The following PLXNA4 variants were observed in gnomAD, a reference collection of about 807,000 sequenced individuals.
PLXNA4 encodes the protein plexin A4.
In PLXNA4, 44 loss-of-function variants were observed where a neutral mutation model predicts 191.8. That is an observed-to-expected ratio of 0.23 (90% CI 0.18 to 0.29). PLXNA4 has a LOEUF of 0.29. PLXNA4 is among the 10% of genes least tolerant of loss of function. PLXNA4 has a pLI of 1.00. For missense variants in PLXNA4, 1,800 were observed against 2,488.8 expected (o/e 0.72, Z 5.89); for synonymous variants, 1,082 against 1,009.5 (o/e 1.07, Z -1.36).
intron 9 of PLXNA4, among the ~76,000 whole-genome samples, chr7:132,214,005 C>G (rs9641935): frequency 0.49 from 74,388 of 152,092 alleles, 19,476 homozygotes; most frequent in East Asian, 0.64. Flanking sequence ...GCAAGGAGAG[C>G]AGAAAGAAGG....
intron 20 of PLXNA4, among the ~76,000 whole-genome samples, chr7:132,178,382 G>A (rs766682474): frequency 3.9e-5 from 6 of 152,136 alleles, no homozygotes; most frequent in Non-Finnish European, 5.9e-5. Context: ...TGGGGTGCTC[G>A]GCCCACAGGG....
intron 3 of PLXNA4, among the ~76,000 whole-genome samples, chr7:132,322,657 T>G (rs1802218132): frequency 6.6e-6 from 1 of 152,224 alleles, no homozygotes. Context: ...CCTGGCCACA[T>G]AGGTGAGTTG....
chr7:132,586,280 C>T (rs1248581259), intron 2 of PLXNA4, among the ~76,000 whole-genome samples: 1 of 152,116 alleles, frequency 6.6e-6, no homozygotes, highest in South Asian at 2.1e-4. Flanking sequence ...TCTATGATTG[C>T]AATAAAAGAA....
intron 14 of PLXNA4, among the ~76,000 whole-genome samples, chr7:132,192,836 G>C (rs1330611182): frequency 1.3e-5 from 2 of 152,088 alleles, no homozygotes; most frequent in Non-Finnish European, 2.9e-5. Flanking sequence ...CTGTCCCCTA[G>C]AACTACTTGT....
intron 14 of PLXNA4, among the ~76,000 whole-genome samples, chr7:132,188,391 T>C (rs1252746848): frequency 6.6e-6 from 1 of 152,206 alleles, no homozygotes; most frequent in Non-Finnish European, 1.5e-5. Flanking sequence ...TGTATCTGCA[T>C]TTAAATGAAG....
intron 2 of PLXNA4, among the ~76,000 whole-genome samples, chr7:132,602,847 C>T (rs1802846335): frequency 6.6e-6 from 1 of 152,110 alleles, no homozygotes; most frequent in African/African-American, 2.4e-5. Context: ...TCTTCTCTAC[C>T]CGTGGAAGAG....
At chr7:132,579,045 C>T (rs781110660), upstream of PLXNA4, among the ~76,000 whole-genome samples, 6 of 152,096 alleles carry the variant, frequency 3.9e-5, no homozygotes, top group East Asian at 3.9e-4. Context: ...CAAGGCCAGC[C>T]GGGCACTGAG....
intron 3 of PLXNA4, among the ~76,000 whole-genome samples, chr7:132,303,620 G>A (rs1801398861): frequency 6.6e-6 from 1 of 152,172 alleles, no homozygotes; most frequent in Non-Finnish European, 1.5e-5. Flanking sequence ...TACTTTGGTT[G>A]TTTGGAAGAT....
intron 3 of PLXNA4, among the ~76,000 whole-genome samples, chr7:132,460,779 C>A (rs761416210): frequency 6.6e-6 from 1 of 152,072 alleles, no homozygotes; most frequent in Non-Finnish European, 1.5e-5. Flanking sequence ...TTTGGTTTTT[C>A]AGTAAAACAA....
intron 3 of PLXNA4, among the ~76,000 whole-genome samples, chr7:132,381,102 C>T (rs529068353): frequency 6.6e-6 from 1 of 152,310 alleles, no homozygotes; most frequent in African/African-American, 2.4e-5. Flanking sequence ...GGAGTATCTC[C>T]AGGATTCCAA....
chr7:132,343,120 A>G (rs1803104462), intron 3 of PLXNA4, among the ~76,000 whole-genome samples: 1 of 151,504 alleles, frequency 6.6e-6, no homozygotes, highest in Non-Finnish European at 1.5e-5. Flanking sequence ...TTTTTTTTTA[A>G]GGTTAGGAAA....
intron 22 of PLXNA4, 76 bp downstream of exon 22, chr7:132,168,228 C>T (rs1796178144): frequency 7.0e-7 from 1 of 1,437,466 alleles, no homozygotes; most frequent in South Asian, 1.6e-5. Context: ...GGAGCTCCAC[C>T]CGAGTCTCCC....
At chr7:132,208,215 G>T (rs1797689235) in intron 10 of PLXNA4, among the ~76,000 whole-genome samples, 1 of 152,230 alleles carries the variant, frequency 6.6e-6, no homozygotes, top group Non-Finnish European at 1.5e-5. Context: ...CCCAGGAAAT[G>T]TCAGAGCTGA....
At position 132,125,858 on chromosome 7, in the gene PLXNA4, C is replaced by T. The variant is rs1010428498; in HGVS notation, c.*4621G>A. 2.0e-5 allele frequency: 3 copies of T among 152,254 alleles called. No homozygotes were observed. Among genetic ancestry groups the T allele is most frequent in the African/African-American group, 7.2e-5 (3 of 41,434 alleles). 9.4% of individuals were successfully genotyped at this position (152,254 alleles called of 1,614,324 possible). A position where few individuals can be genotyped will look rare whatever the true frequency, so the allele number is the denominator to read the frequency against. ...AAGACCCCTTGAAGGCCTTGAAGAG[C>T]TGGCTGGGGCTGCTCACTGGGCTCA... On this transcript the variant is annotated 3_prime_UTR_variant, in exon 32 of 32. Coordinates refer to ENST00000321063, the MANE Select transcript of PLXNA4 (RefSeq NM_020911.2).
intron 3 of PLXNA4, among the ~76,000 whole-genome samples, chr7:132,448,147 C>T (rs1407422088): frequency 6.6e-6 from 1 of 152,228 alleles, no homozygotes; most frequent in Non-Finnish European, 1.5e-5. Flanking sequence ...CAGGACTTCC[C>T]ATTCCCAGTG....
intron 3 of PLXNA4, among the ~76,000 whole-genome samples, chr7:132,331,327 C>T (rs775824116): frequency 6.6e-6 from 1 of 152,232 alleles, no homozygotes; most frequent in Admixed American, 6.5e-5. Context: ...CTGCACACAG[C>T]CTCACCTTTG....
chr7:132,617,932 C>A (rs1030126167), intron 2 of PLXNA4, among the ~76,000 whole-genome samples: 1 of 152,224 alleles, frequency 6.6e-6, no homozygotes, highest in Non-Finnish European at 1.5e-5. Context: ...CCTCTGCCAC[C>A]TTTACCATTG....
intron 4 of PLXNA4, among the ~76,000 whole-genome samples, chr7:132,288,169 C>G (rs1800753844): frequency 6.6e-6 from 1 of 152,310 alleles, no homozygotes; most frequent in South Asian, 2.1e-4. Context: ...ATGACCTGCT[C>G]CCTCCTCTGT....
At chr7:132,251,361 C>A (rs1799245428) in intron 4 of PLXNA4, among the ~76,000 whole-genome samples, 1 of 152,150 alleles carries the variant, frequency 6.6e-6, no homozygotes, top group African/African-American at 2.4e-5. Flanking sequence ...TTGTGTGTTT[C>A]CCAAGCACAG....
Sources: allele counts gnomAD v4.1 joint callset (sites outside exome capture counted in the v4.1 genomes callset), GRCh38; gene constraint gnomAD v4.1.1; transcripts MANE v1.5; gene names NCBI Gene and HGNC (gene_info 2026-07-23, HGNC 2026-07-21).